The following UBE2U variants were observed in gnomAD, a reference collection of about 807,000 sequenced individuals.
UBE2U encodes the protein ubiquitin-conjugating enzyme E2 U.
A neutral mutation model predicts 41.2 loss-of-function variants in UBE2U; 39 were observed. The ratio of observed to expected loss-of-function variants is 0.95; its 90% CI spans 0.73 to 1.24. The LOEUF (loss-of-function observed/expected upper bound fraction) is 1.24, where lower values mean the gene tolerates loss of function less well. UBE2U is among the 50% of genes most tolerant of loss of function. The pLI, the probability that UBE2U is intolerant of heterozygous loss-of-function variation, is 0.00. For missense variants in UBE2U, 336 were observed against 363.1 expected, an observed-to-expected ratio of 0.93 and a Z score of 0.61; for synonymous variants, 107 against 117.8, an observed-to-expected ratio of 0.91 and a Z score of 0.60.
chr1:64,232,934 G>C (rs973240422), intron 7 of UBE2U, among the ~76,000 whole-genome samples: 11 of 151,684 alleles, frequency 7.3e-5, no homozygotes, highest in Non-Finnish European at 1.6e-4. Context: ...GAACTCAAGC[G>C]ATCTTCCTGC....
intron 7 of UBE2U, among the ~76,000 whole-genome samples, chr1:64,241,305 G>A (rs1037238864): frequency 1.1e-4 from 17 of 152,118 alleles, no homozygotes; most frequent in African/African-American, 3.6e-4. Context: ...CTTAGCATGA[G>A]TAACTCCATT....
chr1:64,230,854 T>C (rs183034486), intron 6 of UBE2U, among the ~76,000 whole-genome samples: 21 of 152,376 alleles, frequency 1.4e-4, no homozygotes, highest in Admixed American at 9.1e-4. Context: ...TTTAAAATTA[T>C]GTCTTCTACT....
intron 7 of UBE2U, among the ~76,000 whole-genome samples, chr1:64,239,149 A>AGAGGAAGAGGAAGAGGAAGAG (rs1644764143): frequency 1.7e-4 from 4 of 24,200 alleles, no homozygotes; most frequent in Non-Finnish European, 6.9e-5. Flanking sequence ...AAGAAGAAGA[A>AGAGGAAGAGGAAGAGGAAGAG]GAAGAAGAAA....
At chr1:64,237,305 A>G (rs993755110) in intron 7 of UBE2U, among the ~76,000 whole-genome samples, 13 of 48,450 alleles carry the variant, frequency 2.7e-4, no homozygotes, top group East Asian at 8.4e-4. Context: ...TGTATCATAG[A>G]AAAAAAAAAA....
intron 6 of UBE2U, among the ~76,000 whole-genome samples, chr1:64,229,262 T>C (rs1460190979): frequency 3.3e-5 from 5 of 152,128 alleles, no homozygotes; most frequent in Non-Finnish European, 5.9e-5. Context: ...CAAATATGGT[T>C]TTCAAGCAGA....
At position 64,239,716 on chromosome 1, in the gene UBE2U, G is replaced by T. The variant is rs528219265; in HGVS notation, c.596-1936G>T. Among the ~76,000 whole-genome samples, 132 of 152,180 alleles carry T rather than the reference G, an allele frequency of 8.7e-4. 2 individuals carry two copies. The highest frequency in any genetic ancestry group is 2.9e-5 in the Non-Finnish European group (2 of 68,012). ...CATGAACTCATCATTTTTTATGGCTGCATAGTATTCCATGGTGTATATGTG... is the reference window on the plus strand; with the variant it reads ...CATGAACTCATCATTTTTTATGGCTTCATAGTATTCCATGGTGTATATGTG... On this transcript the variant is annotated intron_variant, in intron 7 of 9. Coordinates refer to ENST00000371077, the MANE Select transcript of UBE2U (RefSeq NM_001366232.2).
intron 6 of UBE2U, 147 bp from the exon 7 acceptor site, chr1:64,232,414 C>G: frequency 1.9e-6 from 1 of 532,078 alleles, no homozygotes; most frequent in Non-Finnish European, 3.4e-6. Flanking sequence ...ATATTGGATA[C>G]AATTGTTAAA....
chr1:64,245,059 C>A lies in UBE2U; in HGVS notation c.677+3326C>A, dbSNP rs1644897404. Among the ~76,000 whole-genome samples the A allele has an allele frequency of 4.6e-5, 7 of 152,262 alleles. No homozygotes were observed. The South Asian group carries it at 1.2e-3, about 27-fold the overall frequency. On this transcript the variant is annotated intron_variant, in intron 8 of 9. Coordinates refer to ENST00000371077, the MANE Select transcript of UBE2U (RefSeq NM_001366232.2). ...GATTGAAAACTGGAAATGTAAATGG[C>A]TTTCATGAATATTTTATGCAAAATC...
chr1:64,267,333 A>G lies in UBE2U; in HGVS notation c.*125A>G. The stretch of plus-strand genomic sequence containing the variant: ...TAAGTTGTTCTCACCCACTCACTGC[A>G]AGTACAAATTAGAAATATAAGTACA... On this transcript the variant is annotated 3_prime_UTR_variant, in exon 10 of 10. Transcript: ENST00000371077. 1.3e-6 allele frequency: 1 copy of G among 743,424 alleles called. No homozygotes were observed. The highest frequency in any genetic ancestry group is 2.1e-6 in the Non-Finnish European group (1 of 483,374). The allele number at this position is 743,424 out of a possible 1,614,324, so 46.1% of individuals were successfully genotyped here. A position where few individuals can be genotyped will look rare whatever the true frequency, so the allele number is the denominator to read the frequency against.
In UBE2U at chr1:64,203,969, A is replaced by G; in HGVS notation, c.-82A>G. On this transcript the variant is annotated 5_prime_UTR_variant, in exon 1 of 10. Coordinates refer to ENST00000371077, the MANE Select transcript of UBE2U (RefSeq NM_001366232.2). ...TTATATCAGTTTACTAAGTGTGGGA[A>G]AGTGACCCATAACTTCAAACATCTG... The G allele has an allele frequency of 7.8e-7, 1 of 1,287,412 alleles. No individual in the cohort carries two copies. Among genetic ancestry groups the G allele is most frequent in the South Asian group, 1.3e-5 (1 of 76,300 alleles). 79.7% of individuals were successfully genotyped at this position (1,287,412 alleles called of 1,614,324 possible). A position where few individuals can be genotyped will look rare whatever the true frequency, so the allele number is the denominator to read the frequency against.
intron 8 of UBE2U, among the ~76,000 whole-genome samples, chr1:64,244,673 A>T (rs778181980): frequency 3.3e-5 from 5 of 152,140 alleles, no homozygotes; most frequent in Non-Finnish European, 7.4e-5. Context: ...TTGTAGAGAC[A>T]GTCACTGACA....
At chr1:64,243,082 G>A (rs536115882) in intron 8 of UBE2U, among the ~76,000 whole-genome samples, 9 of 152,030 alleles carry the variant, frequency 5.9e-5, no homozygotes, top group Non-Finnish European at 1.3e-4. Context: ...TTGAGTGCTG[G>A]AACATTTTTC....
intron 7 of UBE2U, among the ~76,000 whole-genome samples, chr1:64,235,517 G>C (rs565068718): frequency 6.6e-6 from 1 of 152,078 alleles, no homozygotes; most frequent in Non-Finnish European, 1.5e-5. Flanking sequence ...CAATAATAAA[G>C]ATGAAGCTTT....
chr1:64,264,738 AG>A (rs1645229551), intron 9 of UBE2U, among the ~76,000 whole-genome samples: 1 of 152,120 alleles, frequency 6.6e-6, no homozygotes, highest in African/African-American at 2.4e-5. Context: ...GGATCACCTG[AG>A]GTCAGGAGTT....
At position 64,241,735 on chromosome 1, in the gene UBE2U, T is replaced by C; in HGVS notation, c.677+2T>C. On this transcript the variant is annotated splice_donor_variant, in intron 8 of 9. Transcript: ENST00000371077. LOFTEE classifies it high-confidence loss of function. ...GCATCAGAAAGAATGGAATTTAAAG[T>C]AAGAAATATGAAGTGCCTTGAATGT... 6.2e-7 allele frequency: 1 copy of C among 1,603,590 alleles called. No homozygotes were observed. Among genetic ancestry groups the C allele is most frequent in the East Asian group, 2.2e-5 (1 of 44,604 alleles).
chr1:64,212,194 T>C (rs78295428), intron 4 of UBE2U, among the ~76,000 whole-genome samples: 1 of 152,310 alleles, frequency 6.6e-6, no homozygotes, highest in African/African-American at 2.4e-5. Context: ...GTGAGTGTGA[T>C]ATGCAGAAAT....
At chr1:64,238,917 C>G (rs1644721727) in intron 7 of UBE2U, among the ~76,000 whole-genome samples, 2 of 151,610 alleles carry the variant, frequency 1.3e-5, no homozygotes, top group African/African-American at 4.9e-5. Flanking sequence ...TGGCATGTGC[C>G]TATAGTCCCA....
intron 8 of UBE2U, among the ~76,000 whole-genome samples, chr1:64,248,566 CTTGT>C (rs1019446657): frequency 1.7e-5 from 2 of 119,204 alleles, no homozygotes; most frequent in Non-Finnish European, 4.0e-5. Flanking sequence ...TTTCATTTTA[CTTGT>C]TTTTTTTTTT....
intron 7 of UBE2U, among the ~76,000 whole-genome samples, chr1:64,239,174 A>AG (rs1553169049): frequency 2.3e-4 from 22 of 94,522 alleles, no homozygotes; most frequent in African/African-American, 9.6e-4. Context: ...AAGAAGAAGA[A>AG]GAAGAAGAAG....
Sources: gnomAD v4.1 joint callset for allele counts (sites outside exome capture counted in the v4.1 genomes callset) on GRCh38, gnomAD v4.1.1 for gene constraint, MANE v1.5 for transcripts, NCBI Gene and HGNC (gene_info 2026-07-23, HGNC 2026-07-21) for gene names.